The following ATP8A2 variants were observed in gnomAD, a reference collection of about 807,000 sequenced individuals.
ATP8A2 encodes the protein phospholipid-transporting ATPase IB.
ATP8A2 carries 100 observed loss-of-function variants against 165.6 expected under a neutral mutation model. That is an observed-to-expected ratio of 0.60 (90% confidence interval 0.51 to 0.71). The LOEUF is 0.71. Ranked by LOEUF, ATP8A2 falls within the 30% of genes least tolerant of loss-of-function variation. The pLI, the probability that ATP8A2 is intolerant of heterozygous loss-of-function variation, is 0.00. For missense variants in ATP8A2, 1,227 were observed against 1,479.5 expected, an observed-to-expected ratio of 0.83 and a Z score of 2.80; for synonymous variants, 543 against 548.8, an observed-to-expected ratio of 0.99 and a Z score of 0.15.
At chr13:25,701,106 A>G (rs1404320307) in intron 25 of ATP8A2, among the ~76,000 whole-genome samples, 7 of 152,206 alleles carry the variant, frequency 4.6e-5, no homozygotes, top group Non-Finnish European at 1.0e-4. Flanking sequence ...CTCATCAGAT[A>G]GATGATTTGC....
At chr13:25,578,097 A>G (rs2039668064) in intron 20 of ATP8A2, among the ~76,000 whole-genome samples, 2 of 152,206 alleles carry the variant, frequency 1.3e-5, no homozygotes, top group Non-Finnish European at 1.5e-5. Context: ...ATCGAGTACA[A>G]CAGGTGTCAG....
rs1391438335 is a variant in ATP8A2 at position 25,553,693 on chromosome 13, A to T, written c.1058-100A>T. 16 of 1,231,590 alleles carry T rather than the reference A, an allele frequency of 1.3e-5. No individual in the cohort carries two copies. The East Asian group carries it at 3.8e-4, about 29-fold the overall frequency. The allele number at this position is 1,231,590 out of a possible 1,614,324, so 76.3% of individuals were successfully genotyped here. A position where few individuals can be genotyped will look rare whatever the true frequency, so the allele number is the denominator to read the frequency against. ...AGCCTTTGAACTCACGGTTCCTGAC[A>T]TGCAGGAGGTGCTCAATAACTATTT... On this transcript the variant is annotated intron_variant, in intron 11 of 36. Transcript: ENST00000381655.
rs149510251 is a variant in ATP8A2 at position 25,423,008 on chromosome 13, G to A, written c.77-45969G>A. 2.0e-5 allele frequency among the ~76,000 whole-genome samples: 3 copies of A among 152,190 alleles called. No individual in the cohort carries two copies. In the East Asian group the frequency reaches 5.8e-4, roughly 29 times the overall value. On this transcript the variant is annotated intron_variant, in intron 1 of 36. Coordinates refer to ENST00000381655, the MANE Select transcript of ATP8A2 (RefSeq NM_016529.6). Reference sequence around the variant, plus strand: ...TTCATGGCCTTCCTTGGCTCTATTTGTCAGGGTTATCTTAACATTAGTGAC... The same window carrying A: ...TTCATGGCCTTCCTTGGCTCTATTTATCAGGGTTATCTTAACATTAGTGAC...
chr13:25,743,485 G>T (rs765822184), intron 25 of ATP8A2, among the ~76,000 whole-genome samples: 2 of 152,330 alleles, frequency 1.3e-5, no homozygotes, highest in Non-Finnish European at 2.9e-5. Context: ...TATCAGAGTG[G>T]TGGATGGTCC....
At chr13:25,893,826 T>C (rs922560732) in intron 33 of ATP8A2, among the ~76,000 whole-genome samples, 1 of 152,124 alleles carries the variant, frequency 6.6e-6, no homozygotes, top group Non-Finnish European at 1.5e-5. Context: ...TTTTCATGTG[T>C]TTTTTGGCTG....
At chr13:25,524,908 TTCCTTCCTTCCTTC>T (rs1466318947) in intron 2 of ATP8A2, among the ~76,000 whole-genome samples, 3 of 150,742 alleles carry the variant, frequency 2.0e-5, no homozygotes. Context: ...CCTTCCTTCC[TTCCTTCCTTCCTTC>T]CTTCCTTCCT....
chr13:25,512,973 C>T (rs2037308705), intron 2 of ATP8A2, among the ~76,000 whole-genome samples: 1 of 138,288 alleles, frequency 7.2e-6, no homozygotes, highest in Non-Finnish European at 1.6e-5. Flanking sequence ...ACCCCCCCAC[C>T]TCCCTCCCGG....
intron 1 of ATP8A2, among the ~76,000 whole-genome samples, chr13:25,389,862 A>G (rs1593242125): frequency 6.6e-6 from 1 of 152,238 alleles, no homozygotes; most frequent in East Asian, 1.9e-4. Flanking sequence ...ATACTAGAAG[A>G]GATGCTCACA....
chr13:25,837,950 T>C (rs17082814), intron 29 of ATP8A2, among the ~76,000 whole-genome samples: 4,932 of 152,198 alleles, frequency 0.032, 275 homozygotes, highest in African/African-American at 0.11. Context: ...CACACAGATG[T>C]CATTTGCGGC....
rs984275136 is a variant in ATP8A2 at position 25,777,912 on chromosome 13, C to G, written c.2679+2953C>G. Among the ~76,000 whole-genome samples, 4 of 152,244 alleles carry G rather than the reference C, an allele frequency of 2.6e-5. No individual in the cohort carries two copies. The East Asian group carries it at 7.7e-4, about 29-fold the overall frequency. On this transcript the variant is annotated intron_variant, in intron 27 of 36. Coordinates refer to ENST00000381655, the MANE Select transcript of ATP8A2 (RefSeq NM_016529.6). The stretch of plus-strand genomic sequence containing the variant: ...CCCTCCACTCTCGCCCCCAAACCTC[C>G]TTCCGTATTATCTGTCCTGACCTTT...
intron 2 of ATP8A2, among the ~76,000 whole-genome samples, chr13:25,527,483 T>G (rs956570151): frequency 8.5e-5 from 13 of 152,224 alleles, no homozygotes; most frequent in African/African-American, 3.1e-4. Flanking sequence ...TTTAGCTGTT[T>G]GTAGTGTTAT....
chr13:25,668,250 TG>T (rs2042195145), intron 24 of ATP8A2, among the ~76,000 whole-genome samples: 1 of 152,222 alleles, frequency 6.6e-6, no homozygotes, highest in Non-Finnish European at 1.5e-5. Flanking sequence ...ACTGTATATC[TG>T]GGAATGTCTT....
chr13:25,623,562 C>T (rs1325312771), intron 24 of ATP8A2, among the ~76,000 whole-genome samples: 1 of 152,014 alleles, frequency 6.6e-6, no homozygotes, highest in African/African-American at 2.4e-5. Context: ...TTCACCAAAT[C>T]ACCAAATACG....
intron 24 of ATP8A2, among the ~76,000 whole-genome samples, chr13:25,599,104 A>C (rs1029919554): frequency 2.6e-5 from 4 of 151,880 alleles, no homozygotes; most frequent in East Asian, 3.9e-4. Flanking sequence ...ATATGTATCT[A>C]TTTTAGGGTT....
chr13:25,890,484 ATG>A (rs1566240947), intron 33 of ATP8A2, among the ~76,000 whole-genome samples: 1 of 152,238 alleles, frequency 6.6e-6, no homozygotes, highest in African/African-American at 2.4e-5. Context: ...TACTGGAAGC[ATG>A]AACGTAGATA....
chr13:25,980,107 G>C (rs1037068923), intron 35 of ATP8A2, among the ~76,000 whole-genome samples: 2 of 152,174 alleles, frequency 1.3e-5, no homozygotes, highest in African/African-American at 4.8e-5. Flanking sequence ...ATCAAGCATG[G>C]GGAATTCAGC....
intron 24 of ATP8A2, among the ~76,000 whole-genome samples, chr13:25,633,675 T>A (rs572800332): frequency 2.0e-4 from 30 of 152,266 alleles, no homozygotes; most frequent in African/African-American, 7.0e-4. Context: ...TAACATTATT[T>A]AAATCAAGAT....
At chr13:25,626,233 A>T (rs557043958) in intron 24 of ATP8A2, among the ~76,000 whole-genome samples, 99 of 152,276 alleles carry the variant, frequency 6.5e-4, no homozygotes, top group Non-Finnish European at 1.1e-3. Context: ...AATGCCACAG[A>T]TTGGGGTAAC....
intron 24 of ATP8A2, among the ~76,000 whole-genome samples, chr13:25,624,019 T>C (rs1191859288): frequency 6.6e-6 from 1 of 152,092 alleles, no homozygotes; most frequent in Admixed American, 6.6e-5. Context: ...GCTGTAAGCT[T>C]GTTTGTTAGT....
Sources: gnomAD v4.1 joint callset for allele counts (sites outside exome capture counted in the v4.1 genomes callset) on GRCh38, gnomAD v4.1.1 for gene constraint, MANE v1.5 for transcripts, NCBI Gene and HGNC (gene_info 2026-07-23, HGNC 2026-07-21) for gene names.